Variants in GRIA3 observed in about 807,000 individuals in gnomAD.
The protein encoded by GRIA3 is glutamate ionotropic receptor AMPA type subunit 3, also known as glutamate receptor 3.
In GRIA3, 3 loss-of-function variants were observed where a neutral mutation model predicts 63.0. The observed-to-expected ratio is 0.05, with a 90% CI of 0.02 to 0.12. GRIA3 has a LOEUF of 0.12. GRIA3 is among the 10% of genes least tolerant of loss of function. GRIA3 has a pLI of 1.00. For synonymous variants in GRIA3, 274 were observed against 257.9 expected (o/e 1.06, Z -0.60); for missense variants, 347 against 700.9 (o/e 0.50, Z 5.70).
chrX:123,475,022 T>C (rs1401173194), intron 13 of GRIA3, among the ~76,000 whole-genome samples: 5 of 112,357 alleles, frequency 4.5e-5, no homozygotes, highest in Admixed American at 9.4e-5. Context: ...ATTACATTAC[T>C]ATCCTCCATA....
intron 3 of GRIA3, among the ~76,000 whole-genome samples, chrX:123,270,757 A>T (rs1447960247): frequency 3.6e-5 from 4 of 112,536 alleles, no homozygotes; most frequent in African/African-American, 1.3e-4. Flanking sequence ...AGATACTGTG[A>T]AAGTGCTTAG....
At chrX:123,239,115 A>G (rs960465372) in intron 2 of GRIA3, among the ~76,000 whole-genome samples, 6 of 110,809 alleles carry the variant, frequency 5.4e-5, no homozygotes, top group South Asian at 3.8e-4. Flanking sequence ...TGCTTGGCCA[A>G]TGGCGGTGTT....
At chrX:123,230,950 A>T (rs1466883901) in intron 2 of GRIA3, among the ~76,000 whole-genome samples, 1 of 112,334 alleles carries the variant, frequency 8.9e-6, no homozygotes, top group Non-Finnish European at 1.9e-5. Flanking sequence ...CACAAAGAGG[A>T]TGAAGATATC....
intron 5 of GRIA3, among the ~76,000 whole-genome samples, chrX:123,362,809 C>A (rs1303987545): frequency 9.0e-6 from 1 of 111,168 alleles, no homozygotes; most frequent in African/African-American, 3.3e-5. Context: ...TTTATTCATA[C>A]AAATAACCCC....
intron 5 of GRIA3, among the ~76,000 whole-genome samples, chrX:123,360,851 TCTCTCACACA>T (rs1261166782): frequency 7.5e-5 from 2 of 26,585 alleles, no homozygotes; most frequent in African/African-American, 2.6e-4. Flanking sequence ...TCTCTCTCTC[TCTCTCACACA>T]CACACACACA....
intron 3 of GRIA3, among the ~76,000 whole-genome samples, chrX:123,300,819 C>T (rs943731409): frequency 2.7e-5 from 3 of 110,322 alleles, no homozygotes; most frequent in African/African-American, 6.6e-5. Flanking sequence ...CTATAAATTT[C>T]GCTCTAACAC....
At chrX:123,413,561 A>C (rs1421031460) in intron 10 of GRIA3, among the ~76,000 whole-genome samples, 4 of 100,089 alleles carry the variant, frequency 4.0e-5, no homozygotes, top group Non-Finnish European at 6.0e-5. Context: ...AAAAAAAAAA[A>C]AAAAAAAAAC....
At chrX:123,457,331 A>G (rs1045685356) in intron 12 of GRIA3, among the ~76,000 whole-genome samples, 4 of 111,677 alleles carry the variant, frequency 3.6e-5, no homozygotes, top group African/African-American at 9.8e-5. Flanking sequence ...GAAAAGGGGT[A>G]CAAGTTATAT....
chrX:123,395,375 T>C (rs2045407897), intron 6 of GRIA3, among the ~76,000 whole-genome samples: 1 of 112,349 alleles, frequency 8.9e-6, no homozygotes, highest in Admixed American at 9.4e-5. Flanking sequence ...TTTTAATGAA[T>C]TTTATTTGTA....
At chrX:123,233,925 C>T (rs996634809) in intron 2 of GRIA3, among the ~76,000 whole-genome samples, 33 of 111,217 alleles carry the variant, frequency 3.0e-4, no homozygotes, top group African/African-American at 1.0e-3. Flanking sequence ...TAAAAACTTA[C>T]CTTTTTTTCA....
chrX:123,213,268 C>T (rs1255983752), intron 2 of GRIA3, among the ~76,000 whole-genome samples: 1 of 112,204 alleles, frequency 8.9e-6, no homozygotes, highest in South Asian at 3.7e-4. Flanking sequence ...ACAAAATGAC[C>T]TGGGTGTAGA....
intron 2 of GRIA3, chrX:123,202,525 T>G: frequency 1.3e-6 from 1 of 768,470 alleles, no homozygotes; most frequent in Non-Finnish European, 1.9e-6. Flanking sequence ...CTGGACAGTG[T>G]ACATCAAGGT....
At chrX:123,314,615 A>G (rs1051163030) in intron 3 of GRIA3, among the ~76,000 whole-genome samples, 2 of 112,387 alleles carry the variant, frequency 1.8e-5, no homozygotes, top group Non-Finnish European at 3.8e-5. Flanking sequence ...CTTTCACTCA[A>G]TGAAACTGAC....
chrX:123,272,933 C>T (rs970053410), intron 3 of GRIA3, among the ~76,000 whole-genome samples: 12 of 111,536 alleles, frequency 1.1e-4, no homozygotes, highest in East Asian at 5.7e-4. Context: ...TCAAAACCTC[C>T]GCTGGCCACC....
chrX:123,437,795 G>A (rs182309279), intron 12 of GRIA3, among the ~76,000 whole-genome samples: 1 of 111,631 alleles, frequency 9.0e-6, no homozygotes, highest in African/African-American at 3.3e-5. Context: ...ATAGTCACAA[G>A]GGCTGAAAAG....
At position 123,244,462 on chromosome X, in the gene GRIA3, G is replaced by A. The variant is rs894161500; in HGVS notation, c.269-8841G>A. The stretch of plus-strand genomic sequence containing the variant: ...AAAGGGCAGGATCAGGAAGATAGCT[G>A]CCTGTATGGTAGGCTTGGAAGAGTC... On this transcript the variant is annotated intron_variant, in intron 2 of 15. Transcript: ENST00000620443. Among the ~76,000 whole-genome samples, 4 of 112,666 alleles carry A rather than the reference G, an allele frequency of 3.6e-5. No homozygotes were observed. In the Admixed American group the frequency reaches 3.7e-4, roughly 11 times the overall value.
chrX:123,474,033 C>A (rs1261697256), intron 13 of GRIA3, among the ~76,000 whole-genome samples: 2 of 111,877 alleles, frequency 1.8e-5, no homozygotes, highest in African/African-American at 6.5e-5. Context: ...AGTATATATC[C>A]CATAGTATTT....
intron 12 of GRIA3, among the ~76,000 whole-genome samples, chrX:123,428,805 G>A (rs931797817): frequency 1.8e-5 from 2 of 111,685 alleles, no homozygotes; most frequent in African/African-American, 6.5e-5. Flanking sequence ...TGTAAAGTCT[G>A]TCAAGAGGAA....
At chrX:123,205,736 A>C (rs1240010047) in intron 2 of GRIA3, among the ~76,000 whole-genome samples, 1 of 112,150 alleles carries the variant, frequency 8.9e-6, no homozygotes, top group African/African-American at 3.2e-5. Context: ...TGAATCATCC[A>C]TAGAAAATTG....
Sources: allele counts gnomAD v4.1 joint callset (sites outside exome capture counted in the v4.1 genomes callset), GRCh38; gene constraint gnomAD v4.1.1; transcripts MANE v1.5; gene names NCBI Gene and HGNC (gene_info 2026-07-23, HGNC 2026-07-21).